The following PECR variants were observed in gnomAD, a reference collection of about 807,000 sequenced individuals.
PECR encodes 2,4-dienoyl-CoA reductase-related protein.
Under a neutral mutation model 35.3 loss-of-function variants are expected in PECR, and 30 were observed. That is an observed-to-expected ratio of 0.85 (90% CI 0.64 to 1.15). The LOEUF (loss-of-function observed/expected upper bound fraction) is 1.15, where lower values mean the gene tolerates loss of function less well. PECR is among the 50% of genes most tolerant of loss of function. The pLI, the probability that PECR is intolerant of heterozygous loss-of-function variation, is 0.00. For synonymous variants in PECR, 148 were observed against 138.9 expected, an observed-to-expected ratio of 1.07 and a Z score of -0.46; for missense variants, 392 against 370.8, an observed-to-expected ratio of 1.06 and a Z score of -0.47.
In PECR at chr2:216,067,968, C is replaced by T. The variant is rs371691245; in HGVS notation, c.125-1450G>A. ...CCCAGGCCGGACGCAGTGGCTCACACCTGTAATCCCAGCACTTTGGGAGGC... is the reference window on the plus strand; with the variant it reads ...CCCAGGCCGGACGCAGTGGCTCACATCTGTAATCCCAGCACTTTGGGAGGC... On this transcript the variant is annotated intron_variant, in intron 1 of 7. Transcript: ENST00000265322. Among the ~76,000 whole-genome samples, 5 of 152,068 alleles carry T rather than the reference C, an allele frequency of 3.3e-5. No individual in the cohort carries two copies. In the East Asian group the frequency reaches 9.7e-4, roughly 29 times the overall value.
chr2:216,065,423 C>A lies in PECR; in HGVS notation c.313G>T (p.Val105Leu). 6.2e-7 allele frequency: 1 copy of A among 1,607,318 alleles called. No individual in the cohort carries two copies. The highest frequency in any genetic ancestry group is 8.5e-7 in the Non-Finnish European group (1 of 1,173,814). ...LDTFGKINFL[V>L]NNGGGQFLSP... Reference sequence around the variant, plus strand: ...AGAAACTGGCCTCCTCCATTGTTCACCAAGAAATTGATCTTACCAAAAGTA... The same window carrying A: ...AGAAACTGGCCTCCTCCATTGTTCAACAAGAAATTGATCTTACCAAAAGTA... Residue 105 changes from valine (V) to leucine (L), a missense_variant, in exon 3 of 8, where the codon GTG (valine) becomes TTG (leucine). Val to Leu is a conservative substitution (Grantham distance 32). Transcript: ENST00000265322.
chr2:216,055,789 G>A (rs1167902972), intron 4 of PECR, among the ~76,000 whole-genome samples: 2 of 152,076 alleles, frequency 1.3e-5, no homozygotes, highest in African/African-American at 2.4e-5. Context: ...TGGTAGTTAA[G>A]GCCTTTTGTG....
intron 7 of PECR, among the ~76,000 whole-genome samples, chr2:216,039,967 A>G (rs1694859076): frequency 6.6e-6 from 1 of 152,196 alleles, no homozygotes; most frequent in African/African-American, 2.4e-5. Context: ...AAATTCTGGA[A>G]CAAAGTCACT....
intron 1 of PECR, among the ~76,000 whole-genome samples, chr2:216,068,546 A>G (rs2105964344): frequency 6.6e-6 from 1 of 152,322 alleles, no homozygotes; most frequent in South Asian, 2.1e-4. Context: ...GATCTGCACT[A>G]CAAAAAAGAT....
rs563423789 is a variant in PECR at position 216,029,652 on chromosome 2, T to A, written c.*440+9539A>T. ...CTCAAAATACAAGGATGCTAAGTCA[T>A]GCTCACAAACTCGCCAGAAGCTGAA... On this transcript the variant is annotated intron_variant and NMD_transcript_variant, in intron 7 of 7. Transcript: ENST00000442122. Among the ~76,000 whole-genome samples the A allele has an allele frequency of 3.3e-5, 5 of 152,238 alleles. No individual in the cohort carries two copies. The East Asian group carries it at 9.6e-4, about 29-fold the overall frequency.
intron 4 of PECR, among the ~76,000 whole-genome samples, chr2:216,052,358 AG>A (rs1695132297): frequency 1.3e-5 from 2 of 152,264 alleles, no homozygotes; most frequent in Admixed American, 1.3e-4. Context: ...GGTAAAAAAC[AG>A]ATTATTTAGT....
chr2:216,062,142 T>A (rs970274662), intron 3 of PECR, among the ~76,000 whole-genome samples: 1 of 150,890 alleles, frequency 6.6e-6, no homozygotes, highest in Non-Finnish European at 1.5e-5. Flanking sequence ...ATCTCCCAGG[T>A]TCAAGCAATT....
At chr2:216,063,772 C>G (rs2105960682) in intron 3 of PECR, 1 of 152,102 alleles carries the variant, frequency 6.6e-6, no homozygotes, top group Middle Eastern at 3.4e-3. Flanking sequence ...GGCTCAAGTA[C>G]AGTGGCACGA....
intron 7 of PECR, among the ~76,000 whole-genome samples, chr2:216,043,363 G>A (rs574243529): frequency 4.1e-4 from 62 of 152,178 alleles, no homozygotes; most frequent in African/African-American, 1.4e-3. Flanking sequence ...ACTTGCCTCA[G>A]CCTCCCAAAG....
downstream of PECR, among the ~76,000 whole-genome samples, chr2:216,036,179 C>T (rs1574670756): frequency 6.6e-6 from 1 of 152,216 alleles, no homozygotes; most frequent in Non-Finnish European, 1.5e-5. Flanking sequence ...TGTATCCACA[C>T]CCCGCACCAT....
chr2:216,063,861 A>C (rs1347124329), intron 3 of PECR: 2 of 151,814 alleles, frequency 1.3e-5, no homozygotes, highest in Non-Finnish European at 2.9e-5. Context: ...GGGACTACAG[A>C]TGCACGCTGC....
chr2:216,063,325 T>A (rs968991464), intron 3 of PECR, among the ~76,000 whole-genome samples: 2 of 152,148 alleles, frequency 1.3e-5, no homozygotes, highest in African/African-American at 4.8e-5. Context: ...ATTTTCAAGA[T>A]ACAGAAAAAT....
chr2:216,046,591 G>A (rs1164261450), intron 6 of PECR, among the ~76,000 whole-genome samples: 1 of 152,022 alleles, frequency 6.6e-6, no homozygotes, highest in Non-Finnish European at 1.5e-5. Context: ...GATTACAGGT[G>A]TGAGCCACTG....
chr2:216,063,866 C>T (rs777007002), intron 3 of PECR: 24 of 151,962 alleles, frequency 1.6e-4, no homozygotes, highest in African/African-American at 5.1e-4. Context: ...TACAGATGCA[C>T]GCTGCCTGGC....
At chr2:216,076,926 A>G (rs1574709093) in intron 1 of PECR, among the ~76,000 whole-genome samples, 1 of 136,992 alleles carries the variant, frequency 7.3e-6, no homozygotes, top group Non-Finnish European at 1.6e-5. Context: ...TTTGAGATGG[A>G]GTTTCGCTCT....
At position 216,076,493 on chromosome 2, in the gene PECR, C is replaced by G. The variant is rs180954894; in HGVS notation, c.124+5125G>C. Among the ~76,000 whole-genome samples, 52 of 152,316 alleles carry G rather than the reference C, an allele frequency of 3.4e-4. No homozygotes were observed. The East Asian group carries it at 0.01, about 29-fold the overall frequency. On this transcript the variant is annotated intron_variant, in intron 1 of 7. Transcript: ENST00000265322. Reference sequence around the variant, plus strand: ...AATCAATAACAATGAAATATACATGCTTCCATTTAAATATCTTGCTATTGT... The same window carrying G: ...AATCAATAACAATGAAATATACATGGTTCCATTTAAATATCTTGCTATTGT...
chr2:216,042,542 C>A (rs184189332), intron 7 of PECR, among the ~76,000 whole-genome samples: 3 of 152,164 alleles, frequency 2.0e-5, no homozygotes, highest in African/African-American at 7.2e-5. Flanking sequence ...GCATTTTATA[C>A]CCTTTACTAC....
chr2:216,079,267 TAA>T (rs1389294564), intron 1 of PECR, among the ~76,000 whole-genome samples: 1 of 152,026 alleles, frequency 6.6e-6, no homozygotes, highest in South Asian at 2.1e-4. Flanking sequence ...AAAAAATATT[TAA>T]AAGACGAAGA....
chr2:216,056,777 G>A (rs938318520), intron 4 of PECR, among the ~76,000 whole-genome samples: 1 of 148,730 alleles, frequency 6.7e-6, no homozygotes, highest in Non-Finnish European at 1.5e-5. Context: ...ACAATACATA[G>A]TAAGAATGTT....
Sources: allele counts gnomAD v4.1 joint callset (sites outside exome capture counted in the v4.1 genomes callset), GRCh38; gene constraint gnomAD v4.1.1; transcripts MANE v1.5; gene names NCBI Gene and HGNC (gene_info 2026-07-23, HGNC 2026-07-21).